Variants in GFM2 observed in about 807,000 individuals in gnomAD.
GFM2 encodes the protein GTP dependent ribosome recycling factor mitochondrial 2, also known as ribosome-releasing factor 2, mitochondrial.
GFM2 carries 72 observed loss-of-function variants against 95.4 expected under a neutral mutation model. That is an observed-to-expected ratio of 0.76 (90% CI 0.62 to 0.92). GFM2 has a LOEUF of 0.92. Among genes scored for constraint, GFM2 ranks in the 40% least tolerant of loss-of-function variants. The probability of loss-of-function intolerance (pLI) is 0.00; values close to 1 mark genes in which losing one functional copy is unlikely to be tolerated. For missense variants in GFM2, 825 were observed against 924.1 expected (o/e 0.89, Z 1.39); for synonymous variants, 276 against 317.5 (o/e 0.87, Z 1.39).
intron 15 of GFM2, among the ~76,000 whole-genome samples, chr5:74,735,472 A>G (rs1742785562): frequency 1.3e-5 from 2 of 152,190 alleles, no homozygotes; most frequent in African/African-American, 4.8e-5. Flanking sequence ...TGTGAGTCCA[A>G]CTTGTTTTCA....
chr5:74,733,254 G>T, intron 15 of GFM2, 156 bp from the exon 16 acceptor site: 2 of 559,064 alleles, frequency 3.6e-6, no homozygotes, highest in South Asian at 2.2e-5. Flanking sequence ...ACTTTGGGAA[G>T]CCAAGACAGA....
intron 5 of GFM2, among the ~76,000 whole-genome samples, chr5:74,756,665 G>GTATA (rs141460554): frequency 3.8e-4 from 56 of 147,674 alleles, no homozygotes; most frequent in African/African-American, 1.1e-3. Context: ...AAGTGTGTGT[G>GTATA]TATATATATA....
At chr5:74,747,604 A>G in intron 8 of GFM2, 88 bp downstream of exon 8, 1 of 728,036 alleles carries the variant, frequency 1.4e-6, no homozygotes. Context: ...AGGAAAAAAA[A>G]TAGCTATTCC....
At chr5:74,765,956 G>A (rs1362593513) in intron 1 of GFM2, among the ~76,000 whole-genome samples, 1 of 151,984 alleles carries the variant, frequency 6.6e-6, no homozygotes, top group Non-Finnish European at 1.5e-5. Context: ...ACGAGATGGC[G>A]CATTTGCACT....
intron 19 of GFM2, 132 bp downstream of exon 19, chr5:74,725,508 C>T: frequency 1.8e-6 from 1 of 552,698 alleles, no homozygotes; most frequent in Admixed American, 3.2e-5. Context: ...ATGATAAGAA[C>T]TCTTGTTGAC....
At position 74,750,630 on chromosome 5, in the gene GFM2, T is replaced by G. The variant is rs1488251426; in HGVS notation, c.468A>C (p.Leu156=). ...CAGCCACTGCACCATCCAACACTCT[T>G]AGGCACCGCTCAACCTCCAAGGTAA... The part of the protein sequence containing the change: ...VDFTLEVERC[L]RVLDGAVAVF... Residue 156 remains leucine, a synonymous_variant, in exon 7 of 21, where the codon CTA becomes CTC. Coordinates refer to ENST00000296805, the MANE Select transcript of GFM2 (RefSeq NM_032380.5). 3 of 1,613,452 alleles carry G rather than the reference T, an allele frequency of 1.9e-6. No homozygotes were observed. Among genetic ancestry groups the G allele is most frequent in the Admixed American group, 3.3e-5 (2 of 59,950 alleles).
chr5:74,721,681 G>A lies in GFM2; in HGVS notation c.2314C>T (p.Leu772Phe), dbSNP rs201042618. The A allele has an allele frequency of 1.2e-5, 20 of 1,613,308 alleles. No homozygotes were observed. Among genetic ancestry groups the A allele is most frequent in the Non-Finnish European group, 1.6e-5 (19 of 1,179,792 alleles). ...AMNPQDQNTLLNRRSGLT is the reference protein window; with the variant it reads ...AMNPQDQNTLFNRRSGLT ...TAGGTCAAACCACTTCTCCGGTTGA[G>A]CAGTGTATTTTGATCTTGAGGATTC... Residue 772 changes from leucine to phenylalanine, a missense_variant, in exon 21 of 21, where the codon CTC becomes TTC. Transcript: ENST00000296805.
chr5:74,721,464 A>ATTTCTCATTATATAAAT lies in GFM2; in HGVS notation c.*174_*190dup, dbSNP rs1749874852. The ATTTCTCATTATATAAAT allele has an allele frequency of 5.6e-6, 4 of 715,338 alleles. No homozygotes were observed. In the South Asian group the frequency reaches 6.5e-5, roughly 12 times the overall value. The allele number at this position is 715,338 out of a possible 1,614,324, so 44.3% of individuals were successfully genotyped here. The stretch of plus-strand genomic sequence containing the variant: ...ACAGTGGCTTTAAACATCAAAGCAC[A>ATTTCTCATTATATAAAT]TTTCTCATTATATAAATTAAAACGG... On this transcript the variant is annotated 3_prime_UTR_variant, in exon 21 of 21. Transcript: ENST00000296805.
chr5:74,754,617 G>A (rs1215894228), intron 5 of GFM2, among the ~76,000 whole-genome samples: 1 of 152,064 alleles, frequency 6.6e-6, no homozygotes, highest in Non-Finnish European at 1.5e-5. Flanking sequence ...AAGACAAAGA[G>A]GGATATTATA....
intron 15 of GFM2, among the ~76,000 whole-genome samples, chr5:74,735,256 A>G (rs1197068086): frequency 6.6e-6 from 1 of 152,220 alleles, no homozygotes; most frequent in Non-Finnish European, 1.5e-5. Context: ...TCCTTCAGCA[A>G]GTGGACACAA....
rs900348309 is a variant in GFM2, at chr5:74,730,712, C to G, written c.1588-314G>C. 3.8e-5 allele frequency: 7 copies of G among 184,990 alleles called. No individual in the cohort carries two copies. The East Asian group carries it at 8.2e-4, about 22-fold the overall frequency. 11.5% of individuals were successfully genotyped at this position (184,990 alleles called of 1,614,324 possible). A position where few individuals can be genotyped will look rare whatever the true frequency, so the allele number is the denominator to read the frequency against. ...GCTAAATACCAACACTTCCCAACCG[C>G]AAAGCCAAATTTCTGGCCAATGGAA... On this transcript the variant is annotated intron_variant, in intron 16 of 20. Coordinates refer to ENST00000296805, the MANE Select transcript of GFM2 (RefSeq NM_032380.5).
rs143232358 is a variant in GFM2, at chr5:74,755,392, T to C, written c.304+3457A>G. Among the ~76,000 whole-genome samples the C allele has an allele frequency of 1.2e-4, 18 of 152,246 alleles. No individual in the cohort carries two copies. In the South Asian group the frequency reaches 2.1e-3, roughly 18 times the overall value. ...TAAATAACCTGCTCCTGAAAGATCA[T>C]TGGGTCAACAATGATATCAAGATGG... On this transcript the variant is annotated intron_variant, in intron 5 of 20. Coordinates refer to ENST00000296805, the MANE Select transcript of GFM2 (RefSeq NM_032380.5).
chr5:74,726,756 G>A (rs1481255920), intron 17 of GFM2, among the ~76,000 whole-genome samples: 1 of 151,924 alleles, frequency 6.6e-6, no homozygotes, highest in African/African-American at 2.4e-5. Flanking sequence ...TTTATGTGAG[G>A]GACCATGTAA....
intron 15 of GFM2, among the ~76,000 whole-genome samples, chr5:74,734,629 T>G (rs1047992006): frequency 1.3e-5 from 2 of 152,338 alleles, no homozygotes; most frequent in African/African-American, 4.8e-5. Context: ...TCAAACAGAG[T>G]ACATGCGTAT....
rs1743041274 is a variant in GFM2 at position 74,740,126 on chromosome 5, T to C, written c.942A>G (p.Ala314=). ...DLLPAEKLQT[A]IHRVTLAQTA... The stretch of plus-strand genomic sequence containing the variant: ...TCTGAGCTAGTGTCACTCTATGTAT[T>C]GCAGTCTGTAGCTACAGAGCAGAGA... The change falls in exon 12 of 21, where the codon GCA becomes GCG. Residue 314 remains alanine (A), a synonymous_variant. Transcript: ENST00000296805. 6.3e-7 allele frequency: 1 copy of C among 1,598,970 alleles called. No homozygotes were observed. Among genetic ancestry groups the C allele is most frequent in the Non-Finnish European group, 8.5e-7 (1 of 1,174,958 alleles).
rs147252091 is a variant in GFM2, at chr5:74,736,189, G to C, written c.1510+607C>G. Among the ~76,000 whole-genome samples, 183 of 152,230 alleles carry C rather than the reference G, an allele frequency of 1.2e-3. 1 individual carries two copies. The East Asian group carries it at 0.028, about 23-fold the overall frequency. ...AGAAATAAATTTTTGTCCTATTAAA[G>C]CAATTGTTATTTGGGGGTTTTCTGC... On this transcript the variant is annotated intron_variant, in intron 15 of 20. Transcript: ENST00000296805.
At chr5:74,748,936 T>TA (rs1310452190) in intron 7 of GFM2, among the ~76,000 whole-genome samples, 1 of 140,460 alleles carries the variant, frequency 7.1e-6, no homozygotes, top group Non-Finnish European at 1.5e-5. Flanking sequence ...ATAAAAAAAA[T>TA]AAAAAATAAA....
intron 10 of GFM2, 80 bp downstream of exon 10, chr5:74,745,598 G>A (rs1218748651): frequency 1.7e-5 from 21 of 1,215,742 alleles, no homozygotes; most frequent in East Asian, 4.9e-5. Context: ...ACCAATCCCC[G>A]AGAGATGCTA....
intron 1 of GFM2, among the ~76,000 whole-genome samples, chr5:74,764,778 G>GTTTTTTTTTTTTTT (rs757160377): frequency 1.4e-5 from 1 of 70,486 alleles, no homozygotes; most frequent in Non-Finnish European, 2.5e-5. Context: ...TCCCTTTGTT[G>GTTTTTTTTTTTTTT]TTTTTTTTTT....
Sources: gnomAD v4.1 joint callset for allele counts (sites outside exome capture counted in the v4.1 genomes callset) on GRCh38, gnomAD v4.1.1 for gene constraint, MANE v1.5 for transcripts, NCBI Gene and HGNC (gene_info 2026-07-23, HGNC 2026-07-21) for gene names.